Variants in LIPI observed in about 807,000 individuals in gnomAD.
The protein encoded by LIPI is lipase I.
A neutral mutation model predicts 50.6 loss-of-function variants in LIPI; 59 were observed. That is an observed-to-expected ratio of 1.16 (90% CI 0.94 to 1.45). The LOEUF (loss-of-function observed/expected upper bound fraction) is 1.45, where lower values mean the gene tolerates loss of function less well. LIPI is among the 40% of genes most tolerant of loss of function. The pLI, the probability that LIPI is intolerant of heterozygous loss-of-function variation, is 0.00. For synonymous variants in LIPI, 203 were observed against 178.2 expected (o/e 1.14, Z -1.11); for missense variants, 586 against 536.3 (o/e 1.09, Z -0.92).
intron 1 of LIPI, among the ~76,000 whole-genome samples, chr21:14,197,557 A>G (rs1006897726): frequency 1.3e-5 from 2 of 152,164 alleles, no homozygotes; most frequent in Non-Finnish European, 2.9e-5. Flanking sequence ...ACAGGCAGAC[A>G]AGAGTAGAGA....
At chr21:14,160,118 G>C (rs1481441858) in intron 7 of LIPI, among the ~76,000 whole-genome samples, 1 of 151,212 alleles carries the variant, frequency 6.6e-6, no homozygotes, top group Non-Finnish European at 1.5e-5. Context: ...TGCAAATATA[G>C]ACAACGTTAT....
chr21:14,172,517 C>A (rs200703688), intron 4 of LIPI, among the ~76,000 whole-genome samples: 4,866 of 151,086 alleles, frequency 0.032, 184 homozygotes, highest in East Asian at 0.22. Context: ...ACATATACAC[C>A]ATGGAATACT....
intron 9 of LIPI, among the ~76,000 whole-genome samples, chr21:14,142,951 G>A (rs1267540047): frequency 6.6e-6 from 1 of 152,062 alleles, no homozygotes; most frequent in East Asian, 1.9e-4. Flanking sequence ...ACTTTAATCA[G>A]CATGCTACTT....
chr21:14,196,143 G>T (rs28496553), intron 1 of LIPI, among the ~76,000 whole-genome samples: 34,366 of 128,602 alleles, frequency 0.27, 4,723 homozygotes, highest in Middle Eastern at 0.36. Flanking sequence ...TTTTTTACAT[G>T]ACACCAAATT....
At chr21:14,169,228 C>T (rs1223608258) in intron 4 of LIPI, among the ~76,000 whole-genome samples, 1 of 152,072 alleles carries the variant, frequency 6.6e-6, no homozygotes, top group Non-Finnish European at 1.5e-5. Context: ...CCTGAGTGAC[C>T]TACAAAGAGA....
chr21:14,197,937 C>A (rs2019918739), intron 1 of LIPI, among the ~76,000 whole-genome samples: 1 of 152,154 alleles, frequency 6.6e-6, no homozygotes, highest in Non-Finnish European at 1.5e-5. Flanking sequence ...TGAAACCCTA[C>A]AAGCCAGAAC....
At position 14,206,875 on chromosome 21, in the gene LIPI, G is replaced by C. The variant is rs141732671; in HGVS notation, c.46+3925C>G. On this transcript the variant is annotated intron_variant, in intron 1 of 9. Transcript: ENST00000681601. ...TTTCTGGGTGAGAACTGAAAAGCAT[G>C]AGCACTATATTTTTGGCACAAGTTA... The C allele has an allele frequency of 1.5e-3, 2,494 of 1,612,630 alleles. 30 individuals are homozygous for C. In the African/African-American group the frequency reaches 0.027, roughly 18 times the overall value.
At chr21:14,133,407 A>G (rs2017370972) in intron 9 of LIPI, among the ~76,000 whole-genome samples, 1 of 152,244 alleles carries the variant, frequency 6.6e-6, no homozygotes, top group African/African-American at 2.4e-5. Context: ...TAGAAAAAGC[A>G]TTTGATAAAA....
chr21:14,175,152 C>A (rs144758307), intron 4 of LIPI, among the ~76,000 whole-genome samples: 1 of 152,098 alleles, frequency 6.6e-6, no homozygotes, highest in Non-Finnish European at 1.5e-5. Context: ...ATTTTGAACA[C>A]ATATATTAAT....
At chr21:14,124,300 C>CA (rs1374713425) in intron 9 of LIPI, among the ~76,000 whole-genome samples, 1 of 152,038 alleles carries the variant, frequency 6.6e-6, no homozygotes, top group Non-Finnish European at 1.5e-5. Context: ...TAGCGAGCAC[C>CA]AAAGGGGGAG....
chr21:14,146,937 C>T (rs1024347659), intron 8 of LIPI, among the ~76,000 whole-genome samples: 14 of 151,964 alleles, frequency 9.2e-5, no homozygotes, highest in African/African-American at 1.4e-4. Flanking sequence ...CGCCACCACA[C>T]CCAGCTAATT....
At chr21:14,110,138 G>A (rs2123287352) in intron 9 of LIPI, among the ~76,000 whole-genome samples, 1 of 151,658 alleles carries the variant, frequency 6.6e-6, no homozygotes, top group Non-Finnish European at 1.5e-5. Context: ...AAGAAATATA[G>A]TAATAAAAAT....
At chr21:14,121,343 T>C (rs2016853699) in intron 9 of LIPI, among the ~76,000 whole-genome samples, 1 of 152,132 alleles carries the variant, frequency 6.6e-6, no homozygotes, top group Non-Finnish European at 1.5e-5. Context: ...AAGAGACTCA[T>C]TTAAGATGGG....
chr21:14,128,118 AATG>A (rs2017139316), intron 9 of LIPI, among the ~76,000 whole-genome samples: 1 of 152,072 alleles, frequency 6.6e-6, no homozygotes, highest in East Asian at 1.9e-4. Flanking sequence ...GTGTAGGCTG[AATG>A]ATGTATACAC....
In LIPI at chr21:14,135,558, G is replaced by A. The variant is rs1015281760; in HGVS notation, c.1295+9065C>T. ...TCTGTGCTGTTCTGTTAGAGCAAAA[G>A]GAAAAACCAGATCAAACTCAGTTGA... On this transcript the variant is annotated intron_variant, in intron 9 of 9. Coordinates refer to ENST00000681601, the MANE Select transcript of LIPI (RefSeq NM_001302998.2). Among the ~76,000 whole-genome samples, 4 of 152,200 alleles carry A rather than the reference G, an allele frequency of 2.6e-5. No homozygotes were observed. The South Asian group carries it at 8.3e-4, about 32-fold the overall frequency.
intron 2 of LIPI, 118 bp from the exon 3 acceptor site, chr21:14,186,187 G>A (rs745311090): frequency 1.4e-6 from 1 of 704,358 alleles, no homozygotes; most frequent in Non-Finnish European, 2.6e-6. Flanking sequence ...TCATTTTGGG[G>A]ATATCGGGAA....
At chr21:14,167,160 A>C (rs1488437244) in intron 4 of LIPI, among the ~76,000 whole-genome samples, 1 of 152,162 alleles carries the variant, frequency 6.6e-6, no homozygotes, top group Non-Finnish European at 1.5e-5. Flanking sequence ...AGGCTGGGGG[A>C]GGGGTGCCTG....
intron 1 of LIPI, among the ~76,000 whole-genome samples, chr21:14,200,143 A>G (rs951585384): frequency 9.2e-5 from 14 of 152,168 alleles, no homozygotes; most frequent in Middle Eastern, 3.2e-3. Context: ...CACAGCCAAC[A>G]TCATACTAAA....
intron 7 of LIPI, among the ~76,000 whole-genome samples, chr21:14,158,606 AAT>A (rs981228695): frequency 2.1e-5 from 3 of 145,548 alleles, no homozygotes; most frequent in East Asian, 3.9e-4. Context: ...TATATATTAA[AAT>A]ATATATATGT....
Sources: allele counts gnomAD v4.1 joint callset (sites outside exome capture counted in the v4.1 genomes callset), GRCh38; gene constraint gnomAD v4.1.1; transcripts MANE v1.5; gene names NCBI Gene and HGNC (gene_info 2026-07-23, HGNC 2026-07-21).